MTOR: variants seen among roughly 807,000 people sequenced by gnomAD.
MTOR encodes serine/threonine-protein kinase mTOR.
A neutral mutation model predicts 319.8 loss-of-function variants in MTOR; 70 were observed. That is an observed-to-expected ratio of 0.22 (90% CI 0.18 to 0.27). MTOR has a LOEUF of 0.27. MTOR is among the 10% of genes least tolerant of loss of function. The probability of loss-of-function intolerance (pLI) is 1.00; values close to 1 mark genes in which losing one functional copy is unlikely to be tolerated. For missense variants in MTOR, 1,890 were observed against 3,274.4 expected, an observed-to-expected ratio of 0.58 and a Z score of 10.32; for synonymous variants, 1,183 against 1,211.4, an observed-to-expected ratio of 0.98 and a Z score of 0.49.
chr1:11,173,504 A>ATC (rs1644889038), intron 28 of MTOR, among the ~76,000 whole-genome samples: 2 of 151,904 alleles, frequency 1.3e-5, no homozygotes, highest in Non-Finnish European at 2.9e-5. Flanking sequence ...GCTGGTCTCG[A>ATC]ACTCCTGAGC....
At chr1:11,250,347 C>T (rs1380532708) in intron 6 of MTOR, among the ~76,000 whole-genome samples, 1 of 152,160 alleles carries the variant, frequency 6.6e-6, no homozygotes, top group African/African-American at 2.4e-5. Flanking sequence ...TAGGGGCGGC[C>T]GGGCAGAGGC....
At chr1:11,108,966 C>T (rs1011029128) in intron 56 of MTOR, among the ~76,000 whole-genome samples, 2 of 151,612 alleles carry the variant, frequency 1.3e-5, no homozygotes, top group African/African-American at 4.9e-5. Context: ...CCAGACTGGG[C>T]AATAAGAGCA....
At chr1:11,122,502 ATTTTTTTTTT>A (rs35016135) in intron 47 of MTOR, among the ~76,000 whole-genome samples, 1 of 78,732 alleles carries the variant, frequency 1.3e-5, no homozygotes, top group African/African-American at 5.2e-5. Context: ...ACCCAGCCCT[ATTTTTTTTTT>A]TTTTTTTTTT....
rs762413357 is a variant in MTOR, at chr1:11,193,600, T to C, written c.4253+5658A>G. On this transcript the variant is annotated intron_variant, in intron 28 of 57. Coordinates refer to ENST00000361445, the MANE Select transcript of MTOR (RefSeq NM_004958.4). ...TTCAGGTGTTCTGTGACATGGAGACTTCAGGCGGAGGCTGGACCATCATCC... is the reference window on the plus strand; with the variant it reads ...TTCAGGTGTTCTGTGACATGGAGACCTCAGGCGGAGGCTGGACCATCATCC... 9 of 1,600,962 alleles carry C rather than the reference T, an allele frequency of 5.6e-6. No homozygotes were observed. In the African/African-American group the frequency reaches 9.4e-5, roughly 17 times the overall value.
chr1:11,202,334 T>A (rs1277661757), intron 26 of MTOR, among the ~76,000 whole-genome samples: 1 of 137,788 alleles, frequency 7.3e-6, no homozygotes, highest in Non-Finnish European at 1.5e-5. Context: ...GGCAGGAGAA[T>A]GGCTTGAACC....
rs767567241 is a variant in MTOR, at chr1:11,125,506, G to A, written c.6527-873C>T. 2.8e-4 allele frequency among the ~76,000 whole-genome samples: 42 copies of A among 150,120 alleles called. 1 individual carries two copies. Among genetic ancestry groups the A allele is most frequent in the Admixed American group, 2.5e-3 (37 of 15,082 alleles). ...AACATTGTGGGAGGCCAAGCTGGGCGGATCACCTCAGGTCGGGAGTTTGAG... is the reference window on the plus strand; with the variant it reads ...AACATTGTGGGAGGCCAAGCTGGGCAGATCACCTCAGGTCGGGAGTTTGAG... On this transcript the variant is annotated intron_variant, in intron 46 of 57. Coordinates refer to ENST00000361445, the MANE Select transcript of MTOR (RefSeq NM_004958.4).
In MTOR at chr1:11,133,165, T is replaced by A. The variant is rs562084232; in HGVS notation, c.5279A>T (p.Asn1760Ile). Reference protein sequence around the residue: ...CFLKLGEWQLNLQGINESTIP... With the variant: ...CFLKLGEWQLILQGINESTIP... ...TGTGCTCTCATTGATGCCCTGTAGA[T>A]TCAGCTGCCACTCTCCAAGTTTCAG... The change falls in exon 38 of 58, where the codon AAT becomes ATT. Residue 1760 changes from asparagine (N) to isoleucine (I), a missense_variant. Physicochemically the swap from Asn to Ile is moderately radical, Grantham distance 149. This residue lies in a region of MTOR where 276 missense variants were observed against 459.4 expected (regional missense o/e 0.60). Coordinates refer to ENST00000361445, the MANE Select transcript of MTOR (RefSeq NM_004958.4). The surrounding 1 kb of genome is among the most constrained non-coding windows in gnomAD (Gnocchi z 4.0). The A allele has an allele frequency of 6.2e-7, 1 of 1,614,152 alleles. No homozygotes were observed. The highest frequency in any genetic ancestry group is 1.7e-5 in the Admixed American group (1 of 60,016).
chr1:11,115,508 A>G lies in MTOR; in HGVS notation c.7017-40T>C, dbSNP rs751695830. 3.2e-6 allele frequency: 5 copies of G among 1,586,702 alleles called. No homozygotes were observed. Among genetic ancestry groups the G allele is most frequent in the Non-Finnish European group, 4.3e-6 (5 of 1,155,140 alleles). On this transcript the variant is annotated intron_variant, in intron 50 of 57. Coordinates refer to ENST00000361445, the MANE Select transcript of MTOR (RefSeq NM_004958.4). The surrounding 1 kb of genome is among the most constrained non-coding windows in gnomAD (Gnocchi z 4.5). The stretch of plus-strand genomic sequence containing the variant: ...AGACAGATCAGGGAGGGATCAACAG[A>G]GATAACGGATGAAAAAATCAATAAG...
At position 11,129,640 on chromosome 1, in the gene MTOR, G is replaced by A; in HGVS notation, c.5714+98C>T. The A allele has an allele frequency of 9.3e-7, 1 of 1,075,586 alleles. No individual in the cohort carries two copies. The highest frequency in any genetic ancestry group is 1.4e-6 in the Non-Finnish European group (1 of 718,302). The allele number at this position is 1,075,586 out of a possible 1,614,324, so 66.6% of individuals were successfully genotyped here. A position where few individuals can be genotyped will look rare whatever the true frequency, so the allele number is the denominator to read the frequency against. ...CACATACATCGATCTTGGGTGTCCT[G>A]ATCAGGGTCAGGAAGGGAAAGAGGA... On this transcript the variant is annotated intron_variant, in intron 40 of 57. Coordinates refer to ENST00000361445, the MANE Select transcript of MTOR (RefSeq NM_004958.4). The surrounding 1 kb of genome is among the most constrained non-coding windows in gnomAD (Gnocchi z 4.7).
chr1:11,106,653 A>T lies in MTOR; in HGVS notation c.*832T>A. The T allele has an allele frequency of 9.1e-7, 1 of 1,103,918 alleles. No homozygotes were observed. Among genetic ancestry groups the T allele is most frequent in the South Asian group, 3.7e-5 (1 of 26,832 alleles). The allele number at this position is 1,103,918 out of a possible 1,614,324, so 68.4% of individuals were successfully genotyped here. A position where few individuals can be genotyped will look rare whatever the true frequency, so the allele number is the denominator to read the frequency against. On this transcript the variant is annotated 3_prime_UTR_variant, in exon 58 of 58. Coordinates refer to ENST00000361445, the MANE Select transcript of MTOR (RefSeq NM_004958.4). ...TAGTTGAGTATTTGTTCTGCTCATA[A>T]TTTCCAATATGTACCAGACCTTCCC...
At chr1:11,206,654 C>T (rs2300091) in intron 25 of MTOR, among the ~76,000 whole-genome samples, 83,969 of 152,100 alleles carry the variant, frequency 0.55, 27,182 homozygotes, top group East Asian at 0.78. Flanking sequence ...ATTGACTAGG[C>T]CAAGTCCCCC....
At chr1:11,137,257 G>A (rs1346860652) in intron 36 of MTOR, among the ~76,000 whole-genome samples, 4 of 151,672 alleles carry the variant, frequency 2.6e-5, no homozygotes, top group Admixed American at 2.6e-4. Flanking sequence ...CACGCAGGTA[G>A]GAGCTAAACT....
intron 3 of MTOR, among the ~76,000 whole-genome samples, chr1:11,257,608 T>C (rs1398255817): frequency 1.4e-5 from 2 of 146,336 alleles, no homozygotes; most frequent in Non-Finnish European, 1.5e-5. Flanking sequence ...GAGTGAACCC[T>C]CCATTCTACT....
chr1:11,229,467 C>T (rs1453377865), intron 18 of MTOR, among the ~76,000 whole-genome samples: 4 of 152,114 alleles, frequency 2.6e-5, no homozygotes, highest in African/African-American at 4.8e-5. Context: ...AAGAACTAAA[C>T]AGATGAAGAG....
intron 25 of MTOR, among the ~76,000 whole-genome samples, chr1:11,205,344 C>T (rs550419669): frequency 3.3e-4 from 50 of 152,334 alleles, no homozygotes; most frequent in African/African-American, 1.2e-3. Context: ...AACAGCTACA[C>T]TTGACTCAAT....
intron 19 of MTOR, among the ~76,000 whole-genome samples, chr1:11,221,517 G>A (rs997219243): frequency 1.3e-5 from 2 of 151,318 alleles, no homozygotes; most frequent in African/African-American, 4.9e-5. Flanking sequence ...AAAGAAATCA[G>A]AGCTCCTTGG....
rs1643870619 is a variant in MTOR at position 11,144,732 on chromosome 1, C to T, written c.4788G>A (p.Leu1596=). The T allele has an allele frequency of 3.1e-6, 5 of 1,613,470 alleles. No individual in the cohort carries two copies. Among genetic ancestry groups the T allele is most frequent in the Non-Finnish European group, 4.2e-6 (5 of 1,180,016 alleles). ...ACTGGATAACCTCCTCCAGCTCGGA[C>T]AGCATGTGGCAAGAAACCATGGCCT... ...AYGAMVSCHM[L]SELEEVIQYK... The change falls in exon 34 of 58, where the codon CTG becomes CTA. Residue 1596 remains leucine (L), a synonymous_variant. Coordinates refer to ENST00000361445, the MANE Select transcript of MTOR (RefSeq NM_004958.4).
chr1:11,209,467 A>G lies in MTOR; in HGVS notation c.3655-9T>C. On this transcript the variant is annotated splice_polypyrimidine_tract_variant and intron_variant, in intron 24 of 57. Transcript: ENST00000361445. ...TCAGCAAGTGTGTATCCCTACAACC[A>G]AAGATTTATAGGAAACACCTATAAC... 1 of 1,614,080 alleles carries G rather than the reference A, an allele frequency of 6.2e-7. No individual in the cohort carries two copies. Among genetic ancestry groups the G allele is most frequent in the Non-Finnish European group, 8.5e-7 (1 of 1,179,972 alleles).
chr1:11,212,357 T>C lies in MTOR; in HGVS notation c.3516A>G (p.Thr1172=). 2.5e-6 allele frequency: 4 copies of C among 1,614,130 alleles called. No individual in the cohort carries two copies. Among genetic ancestry groups the C allele is most frequent in the Non-Finnish European group, 3.4e-6 (4 of 1,179,990 alleles). ...CAAGTGAAGACAGCGTGTCCATGGC[T>C]GTGGAGCGCAGTTCTGGGCTCTGGT... ...TLDQSPELRS[T]AMDTLSSLVF... The change falls in exon 23 of 58, where the codon ACA becomes ACG. Residue 1172 remains threonine (T), a synonymous_variant. Transcript: ENST00000361445. This position sits in a 1 kb window ranked among gnomAD's most constrained non-coding sequence, Gnocchi z 4.1.
Sources: gnomAD v4.1 joint callset for allele counts (sites outside exome capture counted in the v4.1 genomes callset) on GRCh38, gnomAD v4.1.1 for gene constraint, gnomAD v4.1.1 regional missense constraint, Gnocchi (gnomAD v3.1) non-coding constraint, MANE v1.5 for transcripts, NCBI Gene and HGNC (gene_info 2026-07-23, HGNC 2026-07-21) for gene names.